Variants in IL1RAPL1 observed in about 807,000 individuals in gnomAD.
IL1RAPL1 encodes interleukin 1 receptor accessory protein like 1.
Under a neutral mutation model 48.4 loss-of-function variants are expected in IL1RAPL1, and 3 were observed. The ratio of observed to expected loss-of-function variants is 0.06; its 90% CI spans 0.03 to 0.16. IL1RAPL1 has a LOEUF of 0.16. Among genes scored for constraint, IL1RAPL1 ranks in the 10% least tolerant of loss-of-function variants. The pLI, the probability that IL1RAPL1 is intolerant of heterozygous loss-of-function variation, is 1.00. For missense variants in IL1RAPL1, 349 were observed against 530.6 expected (o/e 0.66, Z 3.36); for synonymous variants, 185 against 187.7 (o/e 0.99, Z 0.12).
rs11395764 is a variant in IL1RAPL1 at position 28,863,418 on chromosome X, C to CTT, written c.82+74008_82+74009dup. Among the ~76,000 whole-genome samples the CTT allele has an allele frequency of 5.7e-3, 489 of 85,172 alleles. 11 individuals carry two copies. The highest frequency in any genetic ancestry group is 0.016 in the African/African-American group (365 of 23,219). The allele number at this position is 85,172 out of a possible 115,157, so 74.0% of individuals were successfully genotyped here. A position where few individuals can be genotyped will look rare whatever the true frequency, so the allele number is the denominator to read the frequency against. On this transcript the variant is annotated intron_variant, in intron 2 of 10. Coordinates refer to ENST00000378993, the MANE Select transcript of IL1RAPL1 (RefSeq NM_014271.4). ...GCTTGGAATGATTTGGCCTACGGGC[C>CTT]TTTTTTTTTTTTTTTTCTTGTCAAT... is the stretch of plus-strand genomic sequence containing the variant.
chrX:29,034,848 A>G (rs1224032640), intron 2 of IL1RAPL1, among the ~76,000 whole-genome samples: 1 of 106,955 alleles, frequency 9.3e-6, no homozygotes, highest in Non-Finnish European at 1.9e-5. Context: ...AAAGTATTTA[A>G]TTCTTTTTTT....
At chrX:29,447,433 T>C (rs1241549578) in intron 5 of IL1RAPL1, among the ~76,000 whole-genome samples, 1 of 112,078 alleles carries the variant, frequency 8.9e-6, no homozygotes, top group Non-Finnish European at 1.9e-5. Context: ...TCATGAAGTT[T>C]ACAATTGATA....
At chrX:29,253,068 C>T (rs929494870) in intron 2 of IL1RAPL1, among the ~76,000 whole-genome samples, 3 of 110,561 alleles carry the variant, frequency 2.7e-5, no homozygotes, top group Non-Finnish European at 5.7e-5. Context: ...CTGAGAGATA[C>T]CTCTCATTAC....
intron 1 of IL1RAPL1, among the ~76,000 whole-genome samples, chrX:28,674,697 C>T (rs968526261): frequency 2.7e-5 from 3 of 111,317 alleles, no homozygotes; most frequent in Admixed American, 1.9e-4. Context: ...AGAATTTTTA[C>T]GTTTTTTCTT....
At chrX:28,665,938 A>G (rs916851685) in intron 1 of IL1RAPL1, among the ~76,000 whole-genome samples, 2 of 112,325 alleles carry the variant, frequency 1.8e-5, no homozygotes, top group Non-Finnish European at 3.8e-5. Flanking sequence ...GGTGTCAGCT[A>G]TGGAGCACGC....
In IL1RAPL1 at chrX:28,823,087, C is replaced by G. The variant is rs556369673; in HGVS notation, c.82+33662C>G. On this transcript the variant is annotated intron_variant, in intron 2 of 10. Transcript: ENST00000378993. Reference sequence around the variant, plus strand: ...TTGTGTTTCATTTTCTTCAACCCATCTCATAATACCTCTTGAGATTTCTAT... The same window carrying G: ...TTGTGTTTCATTTTCTTCAACCCATGTCATAATACCTCTTGAGATTTCTAT... Among the ~76,000 whole-genome samples, 53 of 111,678 alleles carry G rather than the reference C, an allele frequency of 4.7e-4. No individual in the cohort carries two copies. The South Asian group carries it at 0.02, about 42-fold the overall frequency.
chrX:29,271,539 T>C (rs1293482476), intron 2 of IL1RAPL1, among the ~76,000 whole-genome samples: 1 of 112,366 alleles, frequency 8.9e-6, no homozygotes, highest in African/African-American at 3.2e-5. Flanking sequence ...GTTTTTTAAC[T>C]TTTAAATAAT....
intron 2 of IL1RAPL1, among the ~76,000 whole-genome samples, chrX:29,073,382 G>A (rs1259268405): frequency 9.0e-6 from 1 of 111,105 alleles, no homozygotes; most frequent in Non-Finnish European, 1.9e-5. Flanking sequence ...TTCCACTCCA[G>A]GCTATTTTGC....
chrX:28,681,219 T>C (rs958428371), intron 1 of IL1RAPL1, among the ~76,000 whole-genome samples: 7 of 111,650 alleles, frequency 6.3e-5, no homozygotes, highest in Non-Finnish European at 9.4e-5. Flanking sequence ...TTCATAATAG[T>C]CCTGTATGAT....
At chrX:28,917,241 T>TA (rs34518238) in intron 2 of IL1RAPL1, among the ~76,000 whole-genome samples, 3 of 111,671 alleles carry the variant, frequency 2.7e-5, no homozygotes, top group Non-Finnish European at 3.8e-5. Flanking sequence ...TACTATATCT[T>TA]AAAAAAAGCT....
intron 6 of IL1RAPL1, among the ~76,000 whole-genome samples, chrX:29,680,051 T>A (rs1417563448): frequency 9.0e-6 from 1 of 111,693 alleles, no homozygotes; most frequent in Admixed American, 9.5e-5. Flanking sequence ...AAAGGTTAAT[T>A]TGGGGATTTT....
At chrX:28,868,986 A>G (rs1224185097) in intron 2 of IL1RAPL1, among the ~76,000 whole-genome samples, 3 of 112,564 alleles carry the variant, frequency 2.7e-5, no homozygotes, top group Non-Finnish European at 5.6e-5. Flanking sequence ...CTTTGTTTAA[A>G]GAAAGATAAA....
intron 1 of IL1RAPL1, among the ~76,000 whole-genome samples, chrX:28,782,666 T>C (rs1347069250): frequency 1.8e-5 from 2 of 112,212 alleles, no homozygotes; most frequent in East Asian, 2.8e-4. Context: ...ACTCTGTTTC[T>C]TGAAAGTTTG....
chrX:29,604,168 G>A (rs1923813465), intron 5 of IL1RAPL1, among the ~76,000 whole-genome samples: 1 of 111,920 alleles, frequency 8.9e-6, no homozygotes, highest in Admixed American at 9.5e-5. Flanking sequence ...AAATGATTGA[G>A]GCCACATCAA....
chrX:29,922,555 C>G (rs1932855778), intron 8 of IL1RAPL1, among the ~76,000 whole-genome samples: 1 of 111,665 alleles, frequency 9.0e-6, no homozygotes, highest in South Asian at 3.8e-4. Flanking sequence ...ATTTCCTGCT[C>G]TTGAGGGACT....
At chrX:28,624,638 A>G (rs189235256) in intron 1 of IL1RAPL1, among the ~76,000 whole-genome samples, 2 of 111,035 alleles carry the variant, frequency 1.8e-5, no homozygotes, top group East Asian at 5.7e-4. Flanking sequence ...TTTGTCAACA[A>G]CTCCGTGAAG....
At chrX:29,162,282 G>T (rs770061037) in intron 2 of IL1RAPL1, among the ~76,000 whole-genome samples, 3 of 110,961 alleles carry the variant, frequency 2.7e-5, no homozygotes, top group African/African-American at 9.8e-5. Context: ...TAGATGATGG[G>T]TTGATAGGTG....
chrX:28,921,254 A>G (rs1164593330), intron 2 of IL1RAPL1, among the ~76,000 whole-genome samples: 1 of 111,855 alleles, frequency 8.9e-6, no homozygotes, highest in Non-Finnish European at 1.9e-5. Context: ...TTACCACTTA[A>G]TTCATAGTTT....
chrX:29,934,705 C>T (rs1015061138), intron 8 of IL1RAPL1, among the ~76,000 whole-genome samples: 1 of 111,610 alleles, frequency 9.0e-6, no homozygotes, highest in African/African-American at 3.3e-5. Flanking sequence ...CACACACACA[C>T]AACATATCAT....
Sources: gnomAD v4.1 joint callset for allele counts (sites outside exome capture counted in the v4.1 genomes callset) on GRCh38, gnomAD v4.1.1 for gene constraint, MANE v1.5 for transcripts, NCBI Gene and HGNC (gene_info 2026-07-23, HGNC 2026-07-21) for gene names.